ERBB4: variants seen among roughly 807,000 people sequenced by gnomAD.
The protein encoded by ERBB4 is erb-b2 receptor tyrosine kinase 4, also known as receptor tyrosine-protein kinase erbB-4.
ERBB4 carries 42 observed loss-of-function variants against 158.0 expected under a neutral mutation model. That is an observed-to-expected ratio of 0.27 (90% CI 0.21 to 0.34). ERBB4 has a LOEUF of 0.34. Ranked by LOEUF, ERBB4 falls within the 10% of genes least tolerant of loss-of-function variation. ERBB4 has a pLI of 1.00. For missense variants in ERBB4, 1,333 were observed against 1,624.1 expected (o/e 0.82, Z 3.08); for synonymous variants, 583 against 558.7 (o/e 1.04, Z -0.61).
intron 1 of ERBB4, among the ~76,000 whole-genome samples, chr2:212,491,626 C>T (rs1485187486): frequency 2.6e-5 from 4 of 151,494 alleles, no homozygotes; most frequent in African/African-American, 9.7e-5. Context: ...AAATAGATTA[C>T]TGCCTTTCAT....
At chr2:211,697,539 TA>T (rs1355925348) in intron 12 of ERBB4, among the ~76,000 whole-genome samples, 16 of 152,214 alleles carry the variant, frequency 1.1e-4, no homozygotes, top group Admixed American at 8.5e-4. Flanking sequence ...GAACAAAATT[TA>T]ATGAATTTAA....
At chr2:212,174,091 G>A (rs1349437538) in intron 1 of ERBB4, among the ~76,000 whole-genome samples, 3 of 152,034 alleles carry the variant, frequency 2.0e-5, no homozygotes, top group African/African-American at 7.2e-5. Context: ...ATAGAAAACT[G>A]CAGGTACATA....
intron 1 of ERBB4, among the ~76,000 whole-genome samples, chr2:212,530,497 T>A (rs1692694332): frequency 6.6e-6 from 1 of 152,152 alleles, no homozygotes; most frequent in Non-Finnish European, 1.5e-5. Context: ...AAATAGTCAC[T>A]GCCACCCATG....
chr2:211,491,812 C>T (rs2065350388), intron 20 of ERBB4, among the ~76,000 whole-genome samples: 6 of 151,902 alleles, frequency 3.9e-5, no homozygotes, highest in Admixed American at 3.9e-4. Flanking sequence ...TTTTATTTCC[C>T]CACATCATTT....
intron 2 of ERBB4, among the ~76,000 whole-genome samples, chr2:212,058,609 A>G (rs946585596): frequency 5.3e-5 from 8 of 152,220 alleles, no homozygotes; most frequent in Non-Finnish European, 1.0e-4. Context: ...AGTGGGCTTC[A>G]TCCCTGGAAT....
intron 1 of ERBB4, among the ~76,000 whole-genome samples, chr2:212,328,045 C>T (rs565966998): frequency 6.9e-6 from 1 of 144,142 alleles, no homozygotes; most frequent in Non-Finnish European, 1.5e-5. Context: ...AAAAAAAAGT[C>T]ACAATTCACA....
intron 1 of ERBB4, among the ~76,000 whole-genome samples, chr2:212,335,684 G>T (rs189938967): frequency 1.3e-5 from 2 of 152,012 alleles, no homozygotes; most frequent in East Asian, 3.9e-4. Flanking sequence ...CTTTGGGTTC[G>T]GATTAGTCAT....
chr2:212,299,671 G>A (rs1158761943), intron 1 of ERBB4, among the ~76,000 whole-genome samples: 2 of 151,542 alleles, frequency 1.3e-5, no homozygotes, highest in East Asian at 1.9e-4. Flanking sequence ...ATGCCAGCAT[G>A]GTATCACCAT....
intron 1 of ERBB4, among the ~76,000 whole-genome samples, chr2:212,145,972 C>G (rs563287403): frequency 6.6e-6 from 1 of 152,060 alleles, no homozygotes; most frequent in African/African-American, 2.4e-5. Flanking sequence ...TTCCTGTCCC[C>G]CTAAGGGCCC....
chr2:212,208,054 C>G (rs2105919629), intron 1 of ERBB4, among the ~76,000 whole-genome samples: 1 of 152,184 alleles, frequency 6.6e-6, no homozygotes, highest in South Asian at 2.1e-4. Context: ...AGCTACTGAA[C>G]AAAGACTTTA....
chr2:212,013,498 G>A (rs2076439740), intron 2 of ERBB4, among the ~76,000 whole-genome samples: 1 of 152,150 alleles, frequency 6.6e-6, no homozygotes, highest in Non-Finnish European at 1.5e-5. Context: ...GAATGAATGT[G>A]ACCTAATTTG....
chr2:212,496,300 AAC>A (rs1226290595), intron 1 of ERBB4, among the ~76,000 whole-genome samples: 1 of 151,900 alleles, frequency 6.6e-6, no homozygotes, highest in Non-Finnish European at 1.5e-5. Flanking sequence ...AAAACAAAAA[AAC>A]AGACATACAT....
At chr2:212,452,288 A>G (rs1205626303) in intron 1 of ERBB4, among the ~76,000 whole-genome samples, 1 of 152,158 alleles carries the variant, frequency 6.6e-6, no homozygotes, top group Non-Finnish European at 1.5e-5. Flanking sequence ...TTAAACTATA[A>G]TTCTTTTAAA....
intron 1 of ERBB4, among the ~76,000 whole-genome samples, chr2:212,334,104 CAT>C (rs1396811712): frequency 7.2e-5 from 11 of 151,996 alleles, no homozygotes; most frequent in Admixed American, 2.0e-4. Context: ...AGGAAAAAGA[CAT>C]ATGGATGATT....
chr2:211,652,258 A>C (rs1276643013), intron 16 of ERBB4, among the ~76,000 whole-genome samples: 1 of 152,190 alleles, frequency 6.6e-6, no homozygotes, highest in Non-Finnish European at 1.5e-5. Flanking sequence ...TGTGGAAAAG[A>C]AGAGATTCAC....
intron 3 of ERBB4, among the ~76,000 whole-genome samples, chr2:211,865,186 ATATATC>A (rs1185368473): frequency 4.0e-5 from 6 of 151,288 alleles, no homozygotes; most frequent in Non-Finnish European, 7.4e-5. Flanking sequence ...CTATACCTAT[ATATATC>A]TATATCTATA....
intron 16 of ERBB4, among the ~76,000 whole-genome samples, chr2:211,635,262 C>T (rs2125883458): frequency 6.6e-6 from 1 of 152,200 alleles, no homozygotes; most frequent in East Asian, 1.9e-4. Flanking sequence ...TGATATCCTC[C>T]CACTACTGAA....
intron 1 of ERBB4, among the ~76,000 whole-genome samples, chr2:212,168,033 G>A (rs114854372): frequency 0.011 from 1,702 of 150,370 alleles, 17 homozygotes; most frequent in Non-Finnish European, 0.02. Flanking sequence ...AAACTTGCAC[G>A]TTCTGCATAT....
chr2:211,479,968 C>T (rs1368918919), intron 20 of ERBB4, among the ~76,000 whole-genome samples: 1 of 152,010 alleles, frequency 6.6e-6, no homozygotes, highest in Non-Finnish European at 1.5e-5. Context: ...CTCATGGTCT[C>T]ATGGGAAATG....
Sources: gnomAD v4.1 joint callset for allele counts (sites outside exome capture counted in the v4.1 genomes callset) on GRCh38, gnomAD v4.1.1 for gene constraint, MANE v1.5 for transcripts, NCBI Gene and HGNC (gene_info 2026-07-23, HGNC 2026-07-21) for gene names.